EFCAB14: variants seen among roughly 807,000 people sequenced by gnomAD.
The protein encoded by EFCAB14 is EF-hand calcium-binding domain-containing protein 14.
EFCAB14 carries 43 observed loss-of-function variants against 56.5 expected under a neutral mutation model. That is an observed-to-expected ratio of 0.76 (90% CI 0.60 to 0.98). EFCAB14 has a LOEUF of 0.98. Ranked by LOEUF, EFCAB14 falls within the 50% of genes least tolerant of loss-of-function variation. EFCAB14 has a pLI of 0.00. For synonymous variants in EFCAB14, 235 were observed against 212.9 expected (o/e 1.10, Z -0.90); for missense variants, 538 against 580.3 (o/e 0.93, Z 0.75).
intron 9 of EFCAB14, chr1:46,684,122 G>A (rs1890473): frequency 0.8 from 138,616 of 174,206 alleles, 55,320 homozygotes; most frequent in East Asian, 0.91. Flanking sequence ...TTTCAGAAGG[G>A]CGAATATTTA....
At chr1:46,685,157 T>A (rs1676860116) in intron 8 of EFCAB14, 1 of 152,318 alleles carries the variant, frequency 6.6e-6, no homozygotes, top group Non-Finnish European at 1.5e-5. Context: ...TGTTAAGACA[T>A]AAAGAAGGAG....
At chr1:46,687,046 G>A in intron 7 of EFCAB14, 176 bp from the exon 8 acceptor site, 1 of 615,606 alleles carries the variant, frequency 1.6e-6, no homozygotes, top group Non-Finnish European at 2.8e-6. Flanking sequence ...AAAGGCCAGA[G>A]ACGAAGTTGA....
At chr1:46,711,653 A>G (rs1677309806) in intron 2 of EFCAB14, among the ~76,000 whole-genome samples, 1 of 152,232 alleles carries the variant, frequency 6.6e-6, no homozygotes, top group South Asian at 2.1e-4. Flanking sequence ...CAAAGGAAGC[A>G]AACAACTTAA....
chr1:46,701,249 T>C (rs1473292), intron 3 of EFCAB14, among the ~76,000 whole-genome samples: 147,097 of 152,256 alleles, frequency 0.97, 71,238 homozygotes, highest in East Asian at 1. Context: ...CGGGGCTTTC[T>C]GAGACCACTG....
intron 3 of EFCAB14, among the ~76,000 whole-genome samples, chr1:46,700,986 A>AGTGAGTGTGTGTGT (rs145670885): frequency 1.0e-3 from 148 of 142,930 alleles, no homozygotes; most frequent in African/African-American, 3.2e-3. Context: ...AGAGTGAGTG[A>AGTGAGTGTGTGTGT]GTGTGTGTGT....
rs2148852516 is a variant in EFCAB14, at chr1:46,716,382, C to T, written c.247G>A (p.Ala83Thr). ...AAGCCAACACAGGCCACAACACAGG[C>T]AGCAAGGATGACAAAACCACAGAGC... ...YPLCGFVILA[A>T]CVVACVGLVW... The change falls in exon 2 of 11, where the codon GCC becomes ACC. Residue 83 changes from alanine (A) to threonine (T), a missense_variant. Transcript: ENST00000371933. The T allele has an allele frequency of 6.2e-7, 1 of 1,613,948 alleles. No individual in the cohort carries two copies. Among genetic ancestry groups the T allele is most frequent in the African/African-American group, 1.3e-5 (1 of 74,928 alleles).
chr1:46,699,003 G>A (rs538358252), intron 3 of EFCAB14, among the ~76,000 whole-genome samples: 1 of 152,260 alleles, frequency 6.6e-6, no homozygotes, highest in South Asian at 2.1e-4. Context: ...AGTAGCAGAA[G>A]TAGAGATGAT....
chr1:46,705,925 C>G (rs115333634), intron 3 of EFCAB14, among the ~76,000 whole-genome samples: 3,034 of 151,936 alleles, frequency 0.02, 47 homozygotes, highest in Non-Finnish European at 0.033. Context: ...AGTGCAGTGA[C>G]ACGATTACAG....
intron 10 of EFCAB14, 183 bp downstream of exon 10, chr1:46,683,117 C>T: frequency 3.2e-6 from 2 of 619,080 alleles, no homozygotes; most frequent in East Asian, 3.3e-5. Flanking sequence ...GGGTATAATA[C>T]ATAAATACTT....
At chr1:46,700,788 T>C (rs796549087) in intron 3 of EFCAB14, among the ~76,000 whole-genome samples, 2 of 152,196 alleles carry the variant, frequency 1.3e-5, no homozygotes, top group African/African-American at 4.8e-5. Flanking sequence ...TGTGCATATA[T>C]TCAGTGGAAA....
chr1:46,714,201 G>A (rs1440320317), intron 2 of EFCAB14, among the ~76,000 whole-genome samples: 1 of 152,156 alleles, frequency 6.6e-6, no homozygotes, highest in African/African-American at 2.4e-5. Context: ...CAATCTTCTA[G>A]GCTTCAGATG....
Position 46,718,387 on chromosome 1 carries a change from T to G in EFCAB14, c.-300A>C. On this transcript the variant is annotated 5_prime_UTR_variant, in exon 1 of 11. Transcript: ENST00000371933. ...TTAGTAGAGGGTGGAGAGGGACCTT[T>G]ATCTCCCAAAGGGCGAAAAAAAAGC... 2 of 244,474 alleles carry G rather than the reference T, an allele frequency of 8.2e-6. No individual in the cohort carries two copies. The highest frequency in any genetic ancestry group is 1.6e-5 in the Non-Finnish European group (2 of 126,750). 15.1% of individuals were successfully genotyped at this position (244,474 alleles called of 1,614,324 possible). A position where few individuals can be genotyped will look rare whatever the true frequency, so the allele number is the denominator to read the frequency against.
chr1:46,704,454 G>T (rs1019871441), intron 3 of EFCAB14, among the ~76,000 whole-genome samples: 8 of 141,508 alleles, frequency 5.7e-5, no homozygotes, highest in Middle Eastern at 3.8e-3. Flanking sequence ...CCCAGCCTGG[G>T]TGACACAGTG....
chr1:46,681,338 A>G (rs1431679190), intron 10 of EFCAB14, among the ~76,000 whole-genome samples: 2 of 152,246 alleles, frequency 1.3e-5, no homozygotes, highest in Non-Finnish European at 2.9e-5. Flanking sequence ...AAGAAGGTCA[A>G]TGAGCTTTAT....
Position 46,688,531 on chromosome 1 carries a change from A to C in EFCAB14, c.809T>G (p.Leu270Arg), listed in dbSNP as rs1299568165. The C allele has an allele frequency of 1.2e-6, 2 of 1,613,352 alleles. No individual in the cohort carries two copies. The highest frequency in any genetic ancestry group is 1.7e-6 in the Non-Finnish European group (2 of 1,179,602). ...GTTTACCTCCTCTAAAGAGTTGTGA[A>C]GGTACAGGATATCCTAGAGTGGAAA... is the stretch of plus-strand genomic sequence containing the variant. ...SENLKQDILY[L>R]HNSLEEVNSA... Residue 270 changes from leucine (L) to arginine (R), a missense_variant, in exon 7 of 11, where the codon CTT (leucine) becomes CGT (arginine). Physicochemically the swap from Leu to Arg is moderately radical, Grantham distance 102. Transcript: ENST00000371933.
At chr1:46,679,257 A>C (rs1284038889) in intron 10 of EFCAB14, among the ~76,000 whole-genome samples, 1 of 152,238 alleles carries the variant, frequency 6.6e-6, no homozygotes, top group Admixed American at 6.5e-5. Flanking sequence ...AGAGGAAAGT[A>C]ACTTGCCTAC....
At chr1:46,681,674 T>TC in intron 10 of EFCAB14, among the ~76,000 whole-genome samples, 1 of 150,854 alleles carries the variant, frequency 6.6e-6, no homozygotes, top group Non-Finnish European at 1.5e-5. Context: ...TTTTTTTTTT[T>TC]CTTTTTTTTT....
intron 10 of EFCAB14, chr1:46,683,086 C>T: frequency 2.5e-6 from 1 of 403,534 alleles, no homozygotes; most frequent in Non-Finnish European, 4.3e-6. Flanking sequence ...TGGACTTAGG[C>T]AGTTTCCCTA....
In EFCAB14 at chr1:46,718,061, T is replaced by C. The variant is rs1339150061; in HGVS notation, c.27A>G (p.Ala9=). MKKRKELN[A]LIGLAGDSRR... The stretch of plus-strand genomic sequence containing the variant: ...GGCTGTCCCCAGCCAAACCAATCAA[T>C]GCATTGAGCTCTTTGCGCTTTTTCA... Residue 9 remains alanine (A), a synonymous_variant, in exon 1 of 11, where the codon GCA becomes GCG. Coordinates refer to ENST00000371933, the MANE Select transcript of EFCAB14 (RefSeq NM_014774.3). 3.7e-6 allele frequency: 6 copies of C among 1,614,156 alleles called. No individual in the cohort carries two copies. In the East Asian group the frequency reaches 8.9e-5, roughly 24 times the overall value.
Sources: allele counts gnomAD v4.1 joint callset (sites outside exome capture counted in the v4.1 genomes callset), GRCh38; gene constraint gnomAD v4.1.1; transcripts MANE v1.5; gene names NCBI Gene and HGNC (gene_info 2026-07-23, HGNC 2026-07-21).